LPP: variants seen among roughly 807,000 people sequenced by gnomAD.
LPP encodes the protein lipoma-preferred partner.
Under a neutral mutation model 60.4 loss-of-function variants are expected in LPP, and 38 were observed. The ratio of observed to expected loss-of-function variants is 0.63; its 90% CI spans 0.49 to 0.83. The LOEUF is 0.83. LPP is among the 40% of genes least tolerant of loss of function. The pLI is 0.00. For synonymous variants in LPP, 328 were observed against 290.8 expected, an observed-to-expected ratio of 1.13 and a Z score of -1.30; for missense variants, 902 against 783.6, an observed-to-expected ratio of 1.15 and a Z score of -1.80.
chr3:188,653,201 G>A (rs1358057503), intron 7 of LPP, among the ~76,000 whole-genome samples: 1 of 152,164 alleles, frequency 6.6e-6, no homozygotes, highest in African/African-American at 2.4e-5. Flanking sequence ...ATAAGCTCTG[G>A]ATGTTGAGCA....
At chr3:188,725,757 T>C (rs1296258866) in intron 8 of LPP, among the ~76,000 whole-genome samples, 1 of 152,154 alleles carries the variant, frequency 6.6e-6, no homozygotes, top group Non-Finnish European at 1.5e-5. Flanking sequence ...TCCAATATGA[T>C]ACATTGCTGG....
chr3:188,590,037 C>A (rs191407272), intron 6 of LPP, among the ~76,000 whole-genome samples: 1 of 152,224 alleles, frequency 6.6e-6, no homozygotes, highest in African/African-American at 2.4e-5. Context: ...ACTTAAGTAA[C>A]CTTTCTTGTT....
chr3:188,457,739 A>AAAAAAAAAT (rs1553903685), intron 4 of LPP, among the ~76,000 whole-genome samples: 2 of 140,074 alleles, frequency 1.4e-5, no homozygotes, highest in African/African-American at 5.3e-5. Context: ...AAAAAAAAAA[A>AAAAAAAAAT]ATATATATAT....
At chr3:188,631,571 T>C (rs1326737093) in intron 7 of LPP, among the ~76,000 whole-genome samples, 2 of 152,202 alleles carry the variant, frequency 1.3e-5, no homozygotes, top group East Asian at 3.8e-4. Context: ...TCCACATGTA[T>C]ACTTTTACAC....
chr3:188,179,577 G>A, intron 1 of LPP: 1 of 434,474 alleles, frequency 2.3e-6, no homozygotes. Context: ...CGAGAGGTCT[G>A]TCTCCTGCCA....
chr3:188,589,645 T>C (rs982517046), intron 6 of LPP, among the ~76,000 whole-genome samples: 8 of 152,216 alleles, frequency 5.3e-5, no homozygotes, highest in Non-Finnish European at 1.0e-4. Context: ...TATTTTGCAT[T>C]TTTTTCTTTA....
chr3:188,270,735 A>T (rs1737470594), intron 2 of LPP, among the ~76,000 whole-genome samples: 1 of 152,226 alleles, frequency 6.6e-6, no homozygotes, highest in Non-Finnish European at 1.5e-5. Flanking sequence ...TGAAGTTTTG[A>T]GAAAGAAGCT....
rs1423657495 is a variant in LPP at position 188,888,496 on chromosome 3, T to G, written c.*14017T>G. 4.4e-6 allele frequency: 1 copy of G among 228,202 alleles called. No homozygotes were observed. Among genetic ancestry groups the G allele is most frequent in the Non-Finnish European group, 8.7e-6 (1 of 114,354 alleles). The allele number at this position is 228,202 out of a possible 1,614,324, so 14.1% of individuals were successfully genotyped here. A position where few individuals can be genotyped will look rare whatever the true frequency, so the allele number is the denominator to read the frequency against. On this transcript the variant is annotated 3_prime_UTR_variant, in exon 12 of 12. Transcript: ENST00000617246. The stretch of plus-strand genomic sequence containing the variant: ...GCTCTGAATATAGCCATTTGCCGAC[T>G]CCGGCCTCTTTGCGAGACTGACTCA...
At chr3:188,250,794 C>CTTTCTCTTTCTTTCTTTCTTTCTTTCTT (rs1553835809) in intron 2 of LPP, among the ~76,000 whole-genome samples, 72 of 114,210 alleles carry the variant, frequency 6.3e-4, no homozygotes, top group African/African-American at 2.4e-3. Context: ...TTCTGTCTTT[C>CTTTCTCTTTCTTTCTTTCTTTCTTTCTT]TCTTTCTTTC....
At chr3:188,328,259 CT>C (rs1258428044) in intron 2 of LPP, among the ~76,000 whole-genome samples, 3 of 152,122 alleles carry the variant, frequency 2.0e-5, no homozygotes, top group African/African-American at 7.2e-5. Context: ...CAAATTTTCA[CT>C]TTGATTGAGT....
intron 1 of LPP, among the ~76,000 whole-genome samples, chr3:188,207,610 T>C (rs1251001038): frequency 6.6e-6 from 1 of 150,956 alleles, no homozygotes; most frequent in African/African-American, 2.4e-5. Flanking sequence ...AATCTTTCTT[T>C]TCTTTTTCTT....
intron 5 of LPP, among the ~76,000 whole-genome samples, chr3:188,503,596 T>G (rs1020992954): frequency 3.9e-5 from 6 of 152,084 alleles, no homozygotes; most frequent in Admixed American, 3.9e-4. Context: ...CTGTTAGCAT[T>G]TCTTGCAGGA....
intron 2 of LPP, among the ~76,000 whole-genome samples, chr3:188,229,784 C>G (rs560820002): frequency 6.6e-5 from 10 of 152,292 alleles, no homozygotes; most frequent in African/African-American, 2.4e-4. Flanking sequence ...GTGGAGATAC[C>G]TCTACTCTAC....
intron 6 of LPP, among the ~76,000 whole-genome samples, chr3:188,546,232 G>A (rs886685261): frequency 5.9e-5 from 9 of 152,204 alleles, no homozygotes; most frequent in Non-Finnish European, 4.4e-5. Flanking sequence ...AGGCAATCTA[G>A]TTCTGGATCC....
At chr3:188,441,435 T>C (rs1793804745) in intron 4 of LPP, among the ~76,000 whole-genome samples, 2 of 151,932 alleles carry the variant, frequency 1.3e-5, no homozygotes, top group Non-Finnish European at 1.5e-5. Context: ...TGGATGTGCA[T>C]TTGTCATCAT....
At chr3:188,254,715 TG>T (rs1731060761) in intron 2 of LPP, among the ~76,000 whole-genome samples, 1 of 152,114 alleles carries the variant, frequency 6.6e-6, no homozygotes, top group East Asian at 1.9e-4. Flanking sequence ...CCACACACAG[TG>T]GATAGGATTC....
At chr3:188,761,514 G>GA (rs998962177) in intron 9 of LPP, among the ~76,000 whole-genome samples, 3 of 151,884 alleles carry the variant, frequency 2.0e-5, no homozygotes, top group Non-Finnish European at 2.9e-5. Flanking sequence ...GGTAGAGTTG[G>GA]AAAAAAAATC....
intron 9 of LPP, among the ~76,000 whole-genome samples, chr3:188,775,494 G>T (rs1412693488): frequency 6.6e-6 from 1 of 152,182 alleles, no homozygotes; most frequent in East Asian, 1.9e-4. Flanking sequence ...TAACCTGCTA[G>T]ATGTCATCTC....
At chr3:188,542,159 G>A (rs987017075) in intron 6 of LPP, among the ~76,000 whole-genome samples, 4 of 152,116 alleles carry the variant, frequency 2.6e-5, no homozygotes, top group Non-Finnish European at 5.9e-5. Context: ...ACCTAGAAAC[G>A]TGAATGTCAA....
Sources: allele counts gnomAD v4.1 joint callset (sites outside exome capture counted in the v4.1 genomes callset), GRCh38; gene constraint gnomAD v4.1.1; transcripts MANE v1.5; gene names NCBI Gene and HGNC (gene_info 2026-07-23, HGNC 2026-07-21).